The following RBBP8NL variants were observed in gnomAD, a reference collection of about 807,000 sequenced individuals.
RBBP8NL encodes RBBP8 N-terminal like.
In RBBP8NL, 59 loss-of-function variants were observed where a neutral mutation model predicts 62.2. The ratio of observed to expected loss-of-function variants is 0.95; its 90% confidence interval spans 0.77 to 1.18. The LOEUF is 1.18. Ranked by LOEUF, RBBP8NL falls within the 50% of genes most tolerant of loss-of-function variation. The pLI is 0.00. For missense variants in RBBP8NL, 896 were observed against 899.5 expected (o/e 1.00, Z 0.05); for synonymous variants, 412 against 394.1 (o/e 1.05, Z -0.54).
rs934531122 is a variant in RBBP8NL at position 62,413,893 on chromosome 20, G to A, written c.1458C>T (p.Arg486=). The change falls in exon 10 of 14, where the codon CGC becomes CGT. Residue 486 remains arginine (R), a synonymous_variant. Coordinates refer to ENST00000252998, the MANE Select transcript of RBBP8NL (RefSeq NM_080833.3). ...TGCCATTGCTGAGTGCCTGGGGACTGCGAGTCAGGGGTCCGGACTGGGTGG... is the reference window on the plus strand; with the variant it reads ...TGCCATTGCTGAGTGCCTGGGGACTACGAGTCAGGGGTCCGGACTGGGTGG... ...EPPTQSGPLT[R]SPQALSNGTK... The A allele has an allele frequency of 5.0e-6, 8 of 1,594,090 alleles. No individual in the cohort carries two copies. Among genetic ancestry groups the A allele is most frequent in the Non-Finnish European group, 6.0e-6 (7 of 1,171,128 alleles).
Position 62,419,574 on chromosome 20 carries a change from C to T in RBBP8NL, c.61+13G>A. 6.2e-7 allele frequency: 1 copy of T among 1,613,456 alleles called. No homozygotes were observed. Among genetic ancestry groups the T allele is most frequent in the Non-Finnish European group, 8.5e-7 (1 of 1,179,852 alleles). On this transcript the variant is annotated intron_variant, in intron 2 of 13. Coordinates refer to ENST00000252998, the MANE Select transcript of RBBP8NL (RefSeq NM_080833.3). Reference sequence around the variant, plus strand: ...ACCCCTCCCTAGCCTGGCATCTGTCCCTGGCCCCTCACCCAGGACTTCCTT... The same window carrying T: ...ACCCCTCCCTAGCCTGGCATCTGTCTCTGGCCCCTCACCCAGGACTTCCTT...
chr20:62,420,001 G>A (rs1988665474), intron 1 of RBBP8NL, among the ~76,000 whole-genome samples: 1 of 152,176 alleles, frequency 6.6e-6, no homozygotes, highest in African/African-American at 2.4e-5. Context: ...GGGCCAGGGA[G>A]CATCTGGGGT....
At chr20:62,417,471 G>C in intron 3 of RBBP8NL, 152 bp from the exon 4 acceptor site, 1 of 616,936 alleles carries the variant, frequency 1.6e-6, no homozygotes, top group African/African-American at 1.9e-5. Context: ...CCAGTCATCT[G>C]CACGCTCCTC....
In RBBP8NL at chr20:62,410,653, G is replaced by C; in HGVS notation, c.*225C>G. 1 of 559,150 alleles carries C rather than the reference G, an allele frequency of 1.8e-6. No individual in the cohort carries two copies. Among genetic ancestry groups the C allele is most frequent in the Non-Finnish European group, 3.1e-6 (1 of 317,930 alleles). The allele number at this position is 559,150 out of a possible 1,614,324, so 34.6% of individuals were successfully genotyped here. A position where few individuals can be genotyped will look rare whatever the true frequency, so the allele number is the denominator to read the frequency against. ...AGTGGGCCAGGATGTGCCCGTCACCGGCTCTTCGGGGTTGCCTGCTGGTTG... is the reference window on the plus strand; with the variant it reads ...AGTGGGCCAGGATGTGCCCGTCACCCGCTCTTCGGGGTTGCCTGCTGGTTG... On this transcript the variant is annotated 3_prime_UTR_variant, in exon 14 of 14. Transcript: ENST00000252998.
At position 62,416,146 on chromosome 20, in the gene RBBP8NL, GGAC is replaced by G. The variant is rs778912836; in HGVS notation, c.386+15_386+17del. The G allele has an allele frequency of 1.8e-5, 29 of 1,606,572 alleles. No individual in the cohort carries two copies. Among genetic ancestry groups the G allele is most frequent in the Non-Finnish European group, 2.4e-5 (28 of 1,176,058 alleles). ...TGGGGAGTTGGGTGTCTGAGCCCTG[GGAC>G]CCTTTCCCACTCACCCCAGGCCCCG... On this transcript the variant is annotated intron_variant, in intron 6 of 13. Transcript: ENST00000252998.
rs888488613 is a variant in RBBP8NL, at chr20:62,410,785, G to T, written c.*93C>A. ...GTCTTCTCCCAGGGTTCTGTGCAGG[G>T]CTGCCTGCTGGTTGGATGGTGTGCC... On this transcript the variant is annotated 3_prime_UTR_variant, in exon 14 of 14. Transcript: ENST00000252998. 9.5e-6 allele frequency: 8 copies of T among 838,416 alleles called. No individual in the cohort carries two copies. Among genetic ancestry groups the T allele is most frequent in the Non-Finnish European group, 1.4e-5 (7 of 510,252 alleles). 51.9% of individuals were successfully genotyped at this position (838,416 alleles called of 1,614,324 possible). A position where few individuals can be genotyped will look rare whatever the true frequency, so the allele number is the denominator to read the frequency against.
At chr20:62,415,506 G>A (rs1988541597) in intron 8 of RBBP8NL, 72 bp downstream of exon 8, 1 of 1,520,874 alleles carries the variant, frequency 6.6e-7, no homozygotes, top group Non-Finnish European at 9.1e-7. Flanking sequence ...CATACTGAAA[G>A]TGCAGCTGCC....
In RBBP8NL at chr20:62,417,443, T is replaced by TGG. The variant is rs1489296555; in HGVS notation, c.105-125_105-124insCC. The stretch of plus-strand genomic sequence containing the variant: ...GCAGCCTTGGTCTGGGGGCAACGCC[T>TGG]AACCCGGTGCCCCCCTCCCAGTCAT... On this transcript the variant is annotated intron_variant, in intron 3 of 13. Transcript: ENST00000252998. 440 of 697,388 alleles carry TGG rather than the reference T, an allele frequency of 6.3e-4. 5 individuals are homozygous for TGG. The African/African-American group carries it at 6.8e-3, about 11-fold the overall frequency. The allele number at this position is 697,388 out of a possible 1,614,324, so 43.2% of individuals were successfully genotyped here.
chr20:62,415,957 G>A lies in RBBP8NL; in HGVS notation c.387-12C>T, dbSNP rs544108081. ...GCTTGGGCCTGTCTCTAGAGGGGAG[G>A]CAGAGACAGGGAGGGTGAGGGAGAG... On this transcript the variant is annotated splice_polypyrimidine_tract_variant and intron_variant, in intron 6 of 13. Coordinates refer to ENST00000252998, the MANE Select transcript of RBBP8NL (RefSeq NM_080833.3). 5.9e-5 allele frequency: 89 copies of A among 1,513,858 alleles called. No homozygotes were observed. Among genetic ancestry groups the A allele is most frequent in the Non-Finnish European group, 7.3e-5 (83 of 1,130,574 alleles). The allele number at this position is 1,513,858 out of a possible 1,614,324, so 93.8% of individuals were successfully genotyped here.
intron 1 of RBBP8NL, among the ~76,000 whole-genome samples, chr20:62,423,515 C>A (rs1056460450): frequency 6.6e-5 from 10 of 152,210 alleles, no homozygotes; most frequent in Non-Finnish European, 1.5e-4. Context: ...CCCCCAGACC[C>A]GCCCAACAGG....
chr20:62,419,801 T>C (rs553941861), intron 1 of RBBP8NL, 71 bp from the exon 2 acceptor site: 511 of 714,052 alleles, frequency 7.2e-4, no homozygotes, highest in Non-Finnish European at 1.1e-3. Flanking sequence ...CAGGAGAGGA[T>C]TGGGGCTCCT....
In RBBP8NL at chr20:62,414,449, T is replaced by C. The variant is rs1165333270; in HGVS notation, c.902A>G (p.Gln301Arg). The change falls in exon 10 of 14, where the codon CAG (glutamine) becomes CGG (arginine). Residue 301 changes from glutamine to arginine, a missense_variant. Coordinates refer to ENST00000252998, the MANE Select transcript of RBBP8NL (RefSeq NM_080833.3). ...LLNRPLSLHL[Q>R]SPHSSPLAPA... ...GGCCAGGGGGCTGCTGTGGGGGCTC[T>C]GAAGGTGCAGGGACAGGGGGCGGTT... The C allele has an allele frequency of 8.0e-6, 12 of 1,500,654 alleles. No homozygotes were observed. The highest frequency in any genetic ancestry group is 8.9e-6 in the Non-Finnish European group (10 of 1,120,538). 93.0% of individuals were successfully genotyped at this position (1,500,654 alleles called of 1,614,324 possible).
intron 9 of RBBP8NL, among the ~76,000 whole-genome samples, 199 bp downstream of exon 9, chr20:62,414,922 T>C (rs931666163): frequency 6.6e-6 from 1 of 152,142 alleles, no homozygotes; most frequent in Non-Finnish European, 1.5e-5. Context: ...AATGTCCACA[T>C]CCCCTGCCCC....
intron 3 of RBBP8NL, among the ~76,000 whole-genome samples, chr20:62,417,645 C>T (rs58112540): frequency 3.7e-5 from 4 of 109,264 alleles, no homozygotes; most frequent in Non-Finnish European, 7.3e-5. Context: ...TCCTCTGTGA[C>T]GTCTGTCCCG....
In RBBP8NL at chr20:62,413,170, T is replaced by G. The variant is rs564621941; in HGVS notation, c.1675+231A>C. ...TGCTTGCCAGCCCTAATTGCTAAGG[T>G]GCTTTTCCCCCTCACTGAGTGTTGT... On this transcript the variant is annotated intron_variant, in intron 11 of 13. Transcript: ENST00000252998. Among the ~76,000 whole-genome samples the G allele has an allele frequency of 3.9e-3, 598 of 152,370 alleles. 3 individuals carry two copies. The highest frequency in any genetic ancestry group is 0.013 in the African/African-American group (556 of 41,592).
At chr20:62,412,944 G>C (rs757907043) in intron 11 of RBBP8NL, 44 bp from the exon 12 acceptor site, 1 of 1,604,220 alleles carries the variant, frequency 6.2e-7, no homozygotes, top group Admixed American at 1.7e-5. Context: ...TGGTGGCACC[G>C]GGAGTCTCCC....
chr20:62,413,497 C>T lies in RBBP8NL; in HGVS notation c.1579G>A (p.Gly527Ser), dbSNP rs1988483516. The T allele has an allele frequency of 6.6e-7, 1 of 1,517,118 alleles. No individual in the cohort carries two copies. The highest frequency in any genetic ancestry group is 8.8e-7 in the Non-Finnish European group (1 of 1,139,672). The allele number at this position is 1,517,118 out of a possible 1,614,324, so 94.0% of individuals were successfully genotyped here. ...CCTGTGTCTTCATCTTCTGTACTGCCTGGAGAGGACAGGCTGAGCTGGGAC... is the reference window on the plus strand; with the variant it reads ...CCTGTGTCTTCATCTTCTGTACTGCTTGGAGAGGACAGGCTGAGCTGGGAC... ...PGSQLSLSSP[G>S]STEDEDTGRP... The change falls in exon 11 of 14, where the codon GGC becomes AGC. Residue 527 changes from glycine to serine, a missense_variant. Coordinates refer to ENST00000252998, the MANE Select transcript of RBBP8NL (RefSeq NM_080833.3).
chr20:62,416,293 G>GGGGGC, intron 5 of RBBP8NL, 57 bp from the exon 6 acceptor site: 1 of 701,048 alleles, frequency 1.4e-6, no homozygotes, highest in Non-Finnish European at 2.5e-6. Context: ...AGGGGCAGGG[G>GGGGGC]TGGGGTCGTC....
At chr20:62,417,474 C>T (rs894276121) in intron 3 of RBBP8NL, among the ~76,000 whole-genome samples, 155 bp from the exon 4 acceptor site, 2 of 149,472 alleles carry the variant, frequency 1.3e-5, no homozygotes, top group Admixed American at 6.6e-5. Flanking sequence ...GTCATCTGCA[C>T]GCTCCTCTGT....
Sources: gnomAD v4.1 joint callset for allele counts (sites outside exome capture counted in the v4.1 genomes callset) on GRCh38, gnomAD v4.1.1 for gene constraint, MANE v1.5 for transcripts, NCBI Gene and HGNC (gene_info 2026-07-23, HGNC 2026-07-21) for gene names.